Variants in ZNF277 observed in about 807,000 individuals in gnomAD.
ZNF277 encodes nuclear receptor-interacting factor 4.
A neutral mutation model predicts 60.7 loss-of-function variants in ZNF277; 55 were observed. The observed-to-expected ratio is 0.91, with a 90% confidence interval of 0.73 to 1.13. ZNF277 has a LOEUF of 1.13. Among genes scored for constraint, ZNF277 ranks in the 50% most tolerant of loss-of-function variants. The probability of loss-of-function intolerance (pLI) is 0.00; values close to 1 mark genes in which losing one functional copy is unlikely to be tolerated. For missense variants in ZNF277, 510 were observed against 523.0 expected (o/e 0.98, Z 0.24); for synonymous variants, 178 against 179.3 (o/e 0.99, Z 0.06).
intron 2 of ZNF277, among the ~76,000 whole-genome samples, chr7:112,290,506 A>G (rs1423184040): frequency 6.6e-6 from 1 of 152,202 alleles, no homozygotes; most frequent in African/African-American, 2.4e-5. Context: ...CTTTAATTAA[A>G]AAGAAAAGGA....
intron 1 of ZNF277, among the ~76,000 whole-genome samples, chr7:112,263,077 G>T (rs1362769120): frequency 1.3e-5 from 2 of 152,136 alleles, no homozygotes. Context: ...TGTAACCCTT[G>T]TATAACCTTT....
chr7:112,260,389 C>A (rs1022468567), intron 1 of ZNF277, among the ~76,000 whole-genome samples: 5 of 152,178 alleles, frequency 3.3e-5, no homozygotes, highest in Non-Finnish European at 7.3e-5. Context: ...AAAAATATGT[C>A]ACATATTATT....
chr7:112,301,986 T>TA (rs1384462156), intron 4 of ZNF277, among the ~76,000 whole-genome samples: 9 of 152,094 alleles, frequency 5.9e-5, no homozygotes, highest in African/African-American at 1.9e-4. Flanking sequence ...CACTTCAACA[T>TA]AAAAAAATCC....
At chr7:112,210,535 G>A (rs1287835940) in intron 1 of ZNF277, among the ~76,000 whole-genome samples, 3 of 148,812 alleles carry the variant, frequency 2.0e-5, no homozygotes, top group Admixed American at 6.8e-5. Flanking sequence ...GGAGTGGCAC[G>A]ATCTCAGCTC....
intron 1 of ZNF277, among the ~76,000 whole-genome samples, chr7:112,226,509 T>C (rs1210687780): frequency 6.6e-6 from 1 of 152,224 alleles, no homozygotes; most frequent in Non-Finnish European, 1.5e-5. Flanking sequence ...TTAGTGTTCC[T>C]TTGATAGTAC....
chr7:112,233,470 G>C (rs1393870220), intron 1 of ZNF277, among the ~76,000 whole-genome samples: 2 of 152,096 alleles, frequency 1.3e-5, no homozygotes, highest in Non-Finnish European at 2.9e-5. Context: ...ACTACTTTTA[G>C]CATATAAGTG....
intron 1 of ZNF277, among the ~76,000 whole-genome samples, chr7:112,246,112 A>G (rs753910778): frequency 3.9e-5 from 6 of 152,230 alleles, no homozygotes; most frequent in Middle Eastern, 3.4e-3. Flanking sequence ...GGCCGAGTAC[A>G]GTGGCTCATA....
chr7:112,245,039 T>A (rs1791051619), intron 1 of ZNF277, among the ~76,000 whole-genome samples: 1 of 152,174 alleles, frequency 6.6e-6, no homozygotes, highest in Non-Finnish European at 1.5e-5. Flanking sequence ...AAATTATATA[T>A]CTTTTGAATA....
chr7:112,281,211 G>A (rs766604101), intron 1 of ZNF277, among the ~76,000 whole-genome samples: 1 of 152,126 alleles, frequency 6.6e-6, no homozygotes, highest in Non-Finnish European at 1.5e-5. Context: ...TCCAGGCAGT[G>A]GTCTAGGGAC....
chr7:112,330,548 C>CTTCTTTTTTT (rs1793204568), intron 7 of ZNF277: 1 of 108,052 alleles, frequency 9.3e-6, no homozygotes, highest in African/African-American at 3.6e-5. Flanking sequence ...AGACTCCTTT[C>CTTCTTTTTTT]TTTTTTTTTT....
In ZNF277 at chr7:112,265,369, G is replaced by A. The variant is rs144571935; in HGVS notation, c.92-21504G>A. ...AGAAAGGGGAGAATGGCAGGTCAGT[G>A]GAGCAGTAAGAACACACACGTTTAT... is the stretch of plus-strand genomic sequence containing the variant. On this transcript the variant is annotated intron_variant, in intron 1 of 11. Coordinates refer to ENST00000361822, the MANE Select transcript of ZNF277 (RefSeq NM_021994.3). Among the ~76,000 whole-genome samples, 517 of 152,232 alleles carry A rather than the reference G, an allele frequency of 3.4e-3. 2 individuals carry two copies. Among genetic ancestry groups the A allele is most frequent in the Non-Finnish European group, 5.5e-3 (371 of 68,014 alleles).
intron 1 of ZNF277, among the ~76,000 whole-genome samples, chr7:112,277,554 T>G (rs1791835663): frequency 6.6e-6 from 1 of 152,228 alleles, no homozygotes; most frequent in Non-Finnish European, 1.5e-5. Flanking sequence ...TCTAATAGAC[T>G]AGTCAATAGC....
chr7:112,292,563 T>C lies in ZNF277; in HGVS notation c.294-3306T>C, dbSNP rs144060766. Among the ~76,000 whole-genome samples, 94 of 152,322 alleles carry C rather than the reference T, an allele frequency of 6.2e-4. No homozygotes were observed. In the East Asian group the frequency reaches 0.017, roughly 28 times the overall value. On this transcript the variant is annotated intron_variant, in intron 2 of 11. Coordinates refer to ENST00000361822, the MANE Select transcript of ZNF277 (RefSeq NM_021994.3). ...CAACTCTCTATTACAACTTTAATTA[T>C]AGGGGCTCTTTCCTGTCCCTGCCTT...
chr7:112,214,000 T>C (rs1222803228), intron 1 of ZNF277, among the ~76,000 whole-genome samples: 1 of 152,228 alleles, frequency 6.6e-6, no homozygotes, highest in Non-Finnish European at 1.5e-5. Context: ...AGGCACATCT[T>C]TGGCATATGT....
chr7:112,314,358 A>G (rs933205879), intron 4 of ZNF277, among the ~76,000 whole-genome samples: 3 of 152,154 alleles, frequency 2.0e-5, no homozygotes, highest in Admixed American at 6.5e-5. Context: ...ACTCCAGGCC[A>G]TTGAGTGGCT....
At position 112,295,295 on chromosome 7, in the gene ZNF277, T is replaced by C. The variant is rs536979351; in HGVS notation, c.294-574T>C. ...GCTGGTGTGTTGCTTCTAACTCTGCTCATTAGATACAAGAATTGTAAGTTA... is the reference window on the plus strand; with the variant it reads ...GCTGGTGTGTTGCTTCTAACTCTGCCCATTAGATACAAGAATTGTAAGTTA... On this transcript the variant is annotated intron_variant, in intron 2 of 11. Coordinates refer to ENST00000361822, the MANE Select transcript of ZNF277 (RefSeq NM_021994.3). Among the ~76,000 whole-genome samples the C allele has an allele frequency of 2.6e-5, 4 of 152,302 alleles. No homozygotes were observed. The East Asian group carries it at 7.7e-4, about 29-fold the overall frequency.
chr7:112,210,465 G>GT (rs66533644), intron 1 of ZNF277, among the ~76,000 whole-genome samples: 72 of 132,668 alleles, frequency 5.4e-4, no homozygotes, highest in Admixed American at 9.9e-4. Flanking sequence ...TTTGTTTTTT[G>GT]TTTTTTTTTT....
intron 2 of ZNF277, among the ~76,000 whole-genome samples, chr7:112,293,576 T>C (rs1330870800): frequency 2.2e-5 from 3 of 135,888 alleles, no homozygotes; most frequent in African/African-American, 3.1e-5. Context: ...CCAGATCTTA[T>C]CTCAAAAAAA....
At chr7:112,330,313 A>ATATT in intron 7 of ZNF277, 97 bp downstream of exon 7, 2 of 1,269,118 alleles carry the variant, frequency 1.6e-6, no homozygotes, top group Non-Finnish European at 2.2e-6. Context: ...ATTATTGCAA[A>ATATT]AGTCAAAATG....
Sources: gnomAD v4.1 joint callset for allele counts (sites outside exome capture counted in the v4.1 genomes callset) on GRCh38, gnomAD v4.1.1 for gene constraint, MANE v1.5 for transcripts, NCBI Gene and HGNC (gene_info 2026-07-23, HGNC 2026-07-21) for gene names.